GLRA2: variants seen among roughly 807,000 people sequenced by gnomAD.
The protein encoded by GLRA2 is glycine receptor alpha 2.
A neutral mutation model predicts 31.6 loss-of-function variants in GLRA2; 11 were observed. The ratio of observed to expected loss-of-function variants is 0.35; its 90% CI spans 0.22 to 0.58. GLRA2 has a LOEUF of 0.58. Ranked by LOEUF, GLRA2 falls within the 20% of genes least tolerant of loss-of-function variation. The pLI, the probability that GLRA2 is intolerant of heterozygous loss-of-function variation, is 0.84. For synonymous variants in GLRA2, 132 were observed against 134.0 expected, an observed-to-expected ratio of 0.99 and a Z score of 0.10; for missense variants, 212 against 351.8, an observed-to-expected ratio of 0.60 and a Z score of 3.18.
intron 2 of GLRA2, among the ~76,000 whole-genome samples, chrX:14,568,386 T>A (rs922404018): frequency 1.5e-4 from 17 of 111,669 alleles, no homozygotes; most frequent in African/African-American, 5.2e-4. Flanking sequence ...AAAACCAGTC[T>A]CCTCAAGAAA....
intron 2 of GLRA2, among the ~76,000 whole-genome samples, chrX:14,565,910 A>AACT (rs1344391800): frequency 1.1e-4 from 12 of 111,819 alleles, no homozygotes; most frequent in Non-Finnish European, 1.7e-4. Context: ...TTACACCTTG[A>AACT]AGAACTAGAA....
At chrX:14,488,859 G>C in the GLRA2 span, among the ~76,000 whole-genome samples, 1 of 111,637 alleles carries the variant, frequency 9.0e-6, no homozygotes, top group African/African-American at 3.3e-5. Flanking sequence ...CCTTTCTTAT[G>C]TTTTAATAAC....
At chrX:14,693,445 C>T (rs772715225) in intron 8 of GLRA2, among the ~76,000 whole-genome samples, 5 of 111,165 alleles carry the variant, frequency 4.5e-5, no homozygotes, top group Non-Finnish European at 7.6e-5. Flanking sequence ...ATGTCTACAA[C>T]GAATAACATG....
chrX:14,674,356 G>A (rs976459956), intron 7 of GLRA2, among the ~76,000 whole-genome samples: 2 of 112,301 alleles, frequency 1.8e-5, no homozygotes, highest in African/African-American at 6.5e-5. Context: ...CTTAGTCCAT[G>A]CACAAAACAT....
intron 7 of GLRA2, among the ~76,000 whole-genome samples, chrX:14,684,704 G>A (rs2091256040): frequency 8.9e-6 from 1 of 111,770 alleles, no homozygotes; most frequent in African/African-American, 3.3e-5. Context: ...ATCAGCTTAA[G>A]GAGATTTTTG....
the GLRA2 span, among the ~76,000 whole-genome samples, chrX:14,524,248 C>T: frequency 8.9e-6 from 1 of 112,195 alleles, no homozygotes; most frequent in South Asian, 3.7e-4. Context: ...TAAGAAATGG[C>T]AATCGTTAAT....
intron 8 of GLRA2, among the ~76,000 whole-genome samples, chrX:14,720,302 C>T (rs1242956858): frequency 9.0e-6 from 1 of 111,536 alleles, no homozygotes; most frequent in Non-Finnish European, 1.9e-5. Flanking sequence ...ACCTCATAAA[C>T]ATGTACAATT....
the GLRA2 span, among the ~76,000 whole-genome samples, chrX:14,515,473 T>A: frequency 8.9e-6 from 1 of 111,778 alleles, no homozygotes; most frequent in African/African-American, 3.2e-5. Flanking sequence ...TGCTGTTATT[T>A]CTTTGAATCA....
rs2091995921 is a variant in GLRA2, at chrX:14,731,791, A to G, written c.*1306A>G. On this transcript the variant is annotated 3_prime_UTR_variant, in exon 9 of 9. Transcript: ENST00000218075. ...TTTAAAAAGCATTTGTTCAATTTCA[A>G]TAAAGCTAAGTGTGCCGCAAACTTC... The G allele has an allele frequency of 2.7e-5, 3 of 112,223 alleles. No homozygotes were observed. Among genetic ancestry groups the G allele is most frequent in the African/African-American group, 9.7e-5 (3 of 30,861 alleles). 9.2% of individuals were successfully genotyped at this position (112,223 alleles called of 1,213,427 possible). A position where few individuals can be genotyped will look rare whatever the true frequency, so the allele number is the denominator to read the frequency against.
chrX:14,687,686 A>C (rs1195107477), intron 7 of GLRA2, among the ~76,000 whole-genome samples: 1 of 111,630 alleles, frequency 9.0e-6, no homozygotes, highest in African/African-American at 3.3e-5. Context: ...TACACTGTTT[A>C]TTCTACTTAG....
At chrX:14,475,888 T>G in the GLRA2 span, among the ~76,000 whole-genome samples, 6 of 111,964 alleles carry the variant, frequency 5.4e-5, no homozygotes, top group Admixed American at 9.5e-5. Flanking sequence ...ATGCTTATAG[T>G]ACATTTATTT....
At chrX:14,458,642 A>G in the GLRA2 span, among the ~76,000 whole-genome samples, 4 of 112,359 alleles carry the variant, frequency 3.6e-5, no homozygotes, top group Non-Finnish European at 7.5e-5. Flanking sequence ...GCAGTTTTTC[A>G]TCTGTCTGTG....
chrX:14,537,516 C>T (rs891806558), intron 2 of GLRA2, among the ~76,000 whole-genome samples: 3 of 111,384 alleles, frequency 2.7e-5, no homozygotes, highest in Non-Finnish European at 3.8e-5. Flanking sequence ...GTAACATGCA[C>T]GTGGCCTGAT....
At chrX:14,672,897 G>A (rs947094630) in intron 7 of GLRA2, among the ~76,000 whole-genome samples, 16 of 111,201 alleles carry the variant, frequency 1.4e-4, no homozygotes, top group Non-Finnish European at 3.0e-4. Flanking sequence ...CTAGGCTTGA[G>A]CGCCCAGAGT....
At chrX:14,521,791 G>A in the GLRA2 span, among the ~76,000 whole-genome samples, 1 of 112,329 alleles carries the variant, frequency 8.9e-6, no homozygotes, top group Non-Finnish European at 1.9e-5. Flanking sequence ...TATGTTTAGT[G>A]TATTAAGGTG....
chrX:14,604,973 C>A (rs974356508), intron 5 of GLRA2, among the ~76,000 whole-genome samples: 1 of 110,802 alleles, frequency 9.0e-6, no homozygotes, highest in Non-Finnish European at 1.9e-5. Context: ...AGTGGATACA[C>A]AAAAGCATGG....
intron 7 of GLRA2, among the ~76,000 whole-genome samples, chrX:14,687,985 G>A (rs988502265): frequency 8.9e-6 from 1 of 112,203 alleles, no homozygotes; most frequent in African/African-American, 3.2e-5. Flanking sequence ...TTTTGGTGTG[G>A]ATGTCCTTTC....
intron 2 of GLRA2, among the ~76,000 whole-genome samples, chrX:14,567,767 T>C (rs1450131984): frequency 1.8e-5 from 2 of 112,313 alleles, no homozygotes; most frequent in Non-Finnish European, 3.8e-5. Flanking sequence ...AGCTAATAAA[T>C]TCAGTGAAGT....
At chrX:14,506,975 G>T in the GLRA2 span, among the ~76,000 whole-genome samples, 1 of 111,246 alleles carries the variant, frequency 9.0e-6, no homozygotes, top group Non-Finnish European at 1.9e-5. Flanking sequence ...ACCTTAGGAA[G>T]AAAGGACACT....
Sources: allele counts gnomAD v4.1 joint callset (sites outside exome capture counted in the v4.1 genomes callset), GRCh38; gene constraint gnomAD v4.1.1; transcripts MANE v1.5; gene names NCBI Gene and HGNC (gene_info 2026-07-23, HGNC 2026-07-21).